Variants in HERC1 observed in about 807,000 individuals in gnomAD.
The protein encoded by HERC1 is probable E3 ubiquitin-protein ligase HERC1.
A neutral mutation model predicts 554.3 loss-of-function variants in HERC1; 160 were observed. The observed-to-expected ratio is 0.29, with a 90% CI of 0.25 to 0.33. The LOEUF is 0.33. Among genes scored for constraint, HERC1 ranks in the 10% least tolerant of loss-of-function variants. The pLI is 1.00. For synonymous variants in HERC1, 2,175 were observed against 2,131.7 expected (o/e 1.02, Z -0.56); for missense variants, 4,919 against 5,918.5 (o/e 0.83, Z 5.54).
chr15:63,813,834 G>A (rs766192954), intron 1 of HERC1, among the ~76,000 whole-genome samples: 3 of 152,176 alleles, frequency 2.0e-5, no homozygotes, highest in South Asian at 2.1e-4. Flanking sequence ...TTGGGAGGCC[G>A]AGGCAGGTGG....
chr15:63,754,676 G>C, intron 6 of HERC1, 28 bp from the exon 7 acceptor site: 1 of 1,598,154 alleles, frequency 6.3e-7, no homozygotes, highest in Non-Finnish European at 8.5e-7. Context: ...CAACAACAAA[G>C]AAACAACATT....
chr15:63,677,871 T>A lies in HERC1; in HGVS notation c.7044A>T (p.Gln2348His), dbSNP rs1307988215. ...TGATAGTAATTTCTGCTTCATCCCATTGGACCTTGGCAGACGTGCTGCCCT... is the reference window on the plus strand; with the variant it reads ...TGATAGTAATTTCTGCTTCATCCCAATGGACCTTGGCAGACGTGCTGCCCT... ...VKEGSTSAKVQWDEAEITISF... is the reference protein window; with the variant it reads ...VKEGSTSAKVHWDEAEITISF... The change falls in exon 37 of 78, where the codon CAA becomes CAT. Residue 2348 changes from glutamine to histidine, a missense_variant. Physicochemically the swap from Gln to His is conservative, Grantham distance 24 (BLOSUM62 0). Transcript: ENST00000443617. The surrounding 1 kb of genome is among the most constrained non-coding windows in gnomAD (Gnocchi z 4.4). 2 of 1,613,810 alleles carry A rather than the reference T, an allele frequency of 1.2e-6. No homozygotes were observed. Among genetic ancestry groups the A allele is most frequent in the African/African-American group, 2.7e-5 (2 of 74,944 alleles).
At position 63,718,475 on chromosome 15, in the gene HERC1, G is replaced by C. The variant is rs1300208178; in HGVS notation, c.3978+99C>G. ...ACTACTCAACATGTATTGAACATAT[G>C]CAATAACCAAGGCACATTTTTTTCT... On this transcript the variant is annotated intron_variant, in intron 21 of 77. Coordinates refer to ENST00000443617, the MANE Select transcript of HERC1 (RefSeq NM_003922.4). The surrounding 1 kb of genome is among the most constrained non-coding windows in gnomAD (Gnocchi z 4.2). The C allele has an allele frequency of 8.8e-7, 1 of 1,136,736 alleles. No homozygotes were observed. Among genetic ancestry groups the C allele is most frequent in the Non-Finnish European group, 1.2e-6 (1 of 818,812 alleles). The allele number at this position is 1,136,736 out of a possible 1,614,324, so 70.4% of individuals were successfully genotyped here.
intron 34 of HERC1, among the ~76,000 whole-genome samples, chr15:63,685,177 C>A (rs2071684751): frequency 6.6e-6 from 1 of 152,212 alleles, no homozygotes; most frequent in Admixed American, 6.5e-5. Flanking sequence ...GAGATGTCAT[C>A]CACACTCTTG....
rs1357492118 is a variant in HERC1 at position 63,775,338 on chromosome 15, C to A, written c.286G>T (p.Asp96Tyr). 6.2e-7 allele frequency: 1 copy of A among 1,613,856 alleles called. No individual in the cohort carries two copies. Among genetic ancestry groups the A allele is most frequent in the African/African-American group, 1.3e-5 (1 of 74,918 alleles). ...CTAAGTGCCCCGGCAAATGGGGAAT[C>A]TGAACATACCATCTTTGCCAATGCT... Reference protein sequence around the residue: ...QLALAKMVCSDSPFAGALRKR... With the variant: ...QLALAKMVCSYSPFAGALRKR... Residue 96 changes from aspartate to tyrosine, a missense_variant, in exon 2 of 78, where the codon GAT (aspartate) becomes TAT (tyrosine). Around this residue, in one of 11 missense-constraint regions of HERC1, gnomAD observed 744 missense variants for 1,090.0 expected, o/e 0.68. Transcript: ENST00000443617. The surrounding 1 kb of genome is among the most constrained non-coding windows in gnomAD (Gnocchi z 4.0).
intron 44 of HERC1, 33 bp downstream of exon 44, chr15:63,662,951 A>G: frequency 6.5e-7 from 1 of 1,544,652 alleles, no homozygotes; most frequent in South Asian, 1.1e-5. Context: ...CAGGAAAATA[A>G]GTCAGAGCAG....
At chr15:63,728,588 A>C (rs1414250059) in intron 16 of HERC1, among the ~76,000 whole-genome samples, 3 of 152,182 alleles carry the variant, frequency 2.0e-5, no homozygotes, top group Non-Finnish European at 4.4e-5. Context: ...TGGATAACCA[A>C]GAAAAGACAC....
chr15:63,793,470 A>C (rs968705528), intron 1 of HERC1, among the ~76,000 whole-genome samples: 1 of 152,158 alleles, frequency 6.6e-6, no homozygotes, highest in African/African-American at 2.4e-5. Context: ...GTTACCCTAT[A>C]TGGTCTAAAA....
At chr15:63,744,154 G>GTGTGTGTGTGTCTGTC (rs1171132597) in intron 12 of HERC1, among the ~76,000 whole-genome samples, 1 of 42,094 alleles carries the variant, frequency 2.4e-5, no homozygotes. Context: ...GTGTGTGTGT[G>GTGTGTGTGTGTCTGTC]TGTGTGTGTG....
chr15:63,623,777 C>G lies in HERC1; in HGVS notation c.13559G>C (p.Gly4520Ala), dbSNP rs769677823. The G allele has an allele frequency of 8.7e-6, 14 of 1,613,826 alleles. No homozygotes were observed. The highest frequency in any genetic ancestry group is 1.2e-5 in the Non-Finnish European group (14 of 1,179,892). ...RAWKVKLVGEGADDAGGVFDD... is the reference protein window; with the variant it reads ...RAWKVKLVGEAADDAGGVFDD... The stretch of plus-strand genomic sequence containing the variant: ...AAACACTCCTCCAGCATCATCAGCC[C>G]CTTCTCCAACCAGCTTAACCTTCCA... The change falls in exon 73 of 78, where the codon GGG (glycine) becomes GCG (alanine). Residue 4520 changes from glycine to alanine, a missense_variant. By Grantham distance (60) the Gly-to-Ala change is moderately conservative. Transcript: ENST00000443617.
rs1465627797 is a variant in HERC1, at chr15:63,718,741, T to C, written c.3857+42A>G. The C allele has an allele frequency of 3.1e-6, 5 of 1,603,980 alleles. No individual in the cohort carries two copies. The highest frequency in any genetic ancestry group is 4.3e-6 in the Non-Finnish European group (5 of 1,172,178). On this transcript the variant is annotated intron_variant, in intron 20 of 77. Transcript: ENST00000443617. This position sits in a 1 kb window ranked among gnomAD's most constrained non-coding sequence, Gnocchi z 4.2. Reference sequence around the variant, plus strand: ...AAAAGTTACCTAATTTCTGACATCATGAGAGCAAATATTTGTCTGAGGATA... The same window carrying C: ...AAAAGTTACCTAATTTCTGACATCACGAGAGCAAATATTTGTCTGAGGATA...
intron 74 of HERC1, among the ~76,000 whole-genome samples, chr15:63,620,149 C>T (rs2068009791): frequency 6.6e-6 from 1 of 152,054 alleles, no homozygotes; most frequent in Non-Finnish European, 1.5e-5. Flanking sequence ...AAATTTCCCT[C>T]TACACACTGC....
intron 1 of HERC1, among the ~76,000 whole-genome samples, chr15:63,776,605 A>C (rs2076123907): frequency 6.6e-6 from 1 of 152,222 alleles, no homozygotes; most frequent in African/African-American, 2.4e-5. Context: ...GAGGAGCATG[A>C]GGACACTTCT....
At chr15:63,745,549 G>A (rs552215512) in intron 12 of HERC1, among the ~76,000 whole-genome samples, 48 of 152,280 alleles carry the variant, frequency 3.2e-4, no homozygotes, top group African/African-American at 1.1e-3. Flanking sequence ...ATAGCATTGA[G>A]TTCAATGCCT....
chr15:63,634,242 T>C (rs1415192741), intron 66 of HERC1, among the ~76,000 whole-genome samples: 2 of 152,204 alleles, frequency 1.3e-5, no homozygotes, highest in African/African-American at 4.8e-5. Context: ...AAAGTATACA[T>C]GACCCAAAAA....
At chr15:63,707,636 T>C (rs564695769) in intron 24 of HERC1, among the ~76,000 whole-genome samples, 1 of 151,912 alleles carries the variant, frequency 6.6e-6, no homozygotes, top group East Asian at 1.9e-4. Flanking sequence ...GGCCCGGAAG[T>C]GACAAAACAA....
chr15:63,689,267 A>G (rs2071966080), intron 33 of HERC1, among the ~76,000 whole-genome samples: 1 of 152,254 alleles, frequency 6.6e-6, no homozygotes. Context: ...CTTTGATACA[A>G]GATAAATGGT....
chr15:63,781,452 C>T (rs2076286577), intron 1 of HERC1, among the ~76,000 whole-genome samples: 1 of 152,108 alleles, frequency 6.6e-6, no homozygotes, highest in African/African-American at 2.4e-5. Context: ...TTATGGTAAC[C>T]TGTAATCAGC....
At chr15:63,664,980 A>G (rs980022490) in intron 42 of HERC1, among the ~76,000 whole-genome samples, 1 of 152,262 alleles carries the variant, frequency 6.6e-6, no homozygotes, top group Non-Finnish European at 1.5e-5. Flanking sequence ...AGCTTGTTGG[A>G]AAAAGCTTGC....
Sources: gnomAD v4.1 joint callset for allele counts (sites outside exome capture counted in the v4.1 genomes callset) on GRCh38, gnomAD v4.1.1 for gene constraint, gnomAD v4.1.1 regional missense constraint, Gnocchi (gnomAD v3.1) non-coding constraint, MANE v1.5 for transcripts, NCBI Gene and HGNC (gene_info 2026-07-23, HGNC 2026-07-21) for gene names.